The following FBXL17 variants were observed in gnomAD, a reference collection of about 807,000 sequenced individuals.
The protein encoded by FBXL17 is F-box and leucine rich repeat protein 17.
In FBXL17, 22 loss-of-function variants were observed where a neutral mutation model predicts 66.2. The observed-to-expected ratio is 0.33, with a 90% CI of 0.24 to 0.47. The LOEUF is 0.47. Ranked by LOEUF, FBXL17 falls within the 20% of genes least tolerant of loss-of-function variation. FBXL17 has a pLI of 1.00. For synonymous variants in FBXL17, 474 were observed against 400.5 expected (o/e 1.18, Z -2.19); for missense variants, 878 against 948.2 (o/e 0.93, Z 0.97).
intron 6 of FBXL17, among the ~76,000 whole-genome samples, chr5:108,046,206 G>A (rs1237577165): frequency 6.6e-6 from 1 of 152,108 alleles, no homozygotes; most frequent in Non-Finnish European, 1.5e-5. Context: ...ATTACATAAT[G>A]TCCTTATCTG....
intron 6 of FBXL17, among the ~76,000 whole-genome samples, chr5:108,093,210 C>T (rs1329159003): frequency 6.6e-6 from 1 of 151,518 alleles, no homozygotes; most frequent in Non-Finnish European, 1.5e-5. Context: ...TTAAAAAATG[C>T]CATTTTCTGT....
In FBXL17 at chr5:107,996,264, C is replaced by T. The variant is rs533719833; in HGVS notation, c.1822+24661G>A. Among the ~76,000 whole-genome samples, 7 of 152,276 alleles carry T rather than the reference C, an allele frequency of 4.6e-5. No homozygotes were observed. In the East Asian group the frequency reaches 1.4e-3, roughly 29 times the overall value. On this transcript the variant is annotated intron_variant, in intron 7 of 8. Coordinates refer to ENST00000542267, the MANE Select transcript of FBXL17 (RefSeq NM_001163315.3). ...TTCTTAAATGTTCCCTGATAACATTCCTGCTCTTAAATTATCTTTGTCTTT... is the reference window on the plus strand; with the variant it reads ...TTCTTAAATGTTCCCTGATAACATTTCTGCTCTTAAATTATCTTTGTCTTT...
chr5:108,381,294 G>A lies in FBXL17; in HGVS notation c.398C>T (p.Ser133Leu). The A allele has an allele frequency of 1.4e-6, 2 of 1,411,322 alleles. No homozygotes were observed. Among genetic ancestry groups the A allele is most frequent in the Non-Finnish European group, 1.8e-6 (2 of 1,087,436 alleles). 87.4% of individuals were successfully genotyped at this position (1,411,322 alleles called of 1,614,324 possible). A position where few individuals can be genotyped will look rare whatever the true frequency, so the allele number is the denominator to read the frequency against. Residue 133 changes from serine to leucine, a missense_variant, in exon 1 of 9, where the codon TCG becomes TTG. Physicochemically the swap from Ser to Leu is moderately radical, Grantham distance 145 (BLOSUM62 -2). Transcript: ENST00000542267. ...SAAAAAAAAASASSPASCCKE... is the reference protein window; with the variant it reads ...SAAAAAAAAALASSPASCCKE... The stretch of plus-strand genomic sequence containing the variant: ...GCAGCAGGAGGCGGGCGACGAAGCC[G>A]AGGCGGCAGCGGCGGCGGCGGCGGC...
chr5:108,135,397 A>T (rs1251659750), intron 6 of FBXL17, among the ~76,000 whole-genome samples: 3 of 152,150 alleles, frequency 2.0e-5, no homozygotes, highest in African/African-American at 7.2e-5. Context: ...CCTTACATGT[A>T]AAAGGGTAAG....
At chr5:107,935,062 T>A (rs1048224888) in intron 7 of FBXL17, among the ~76,000 whole-genome samples, 7 of 151,638 alleles carry the variant, frequency 4.6e-5, no homozygotes, top group African/African-American at 1.7e-4. Flanking sequence ...CAAGATGGTA[T>A]CTTTTGTTTT....
chr5:108,092,942 T>C (rs1749239359), intron 6 of FBXL17, among the ~76,000 whole-genome samples: 1 of 152,136 alleles, frequency 6.6e-6, no homozygotes, highest in African/African-American at 2.4e-5. Context: ...TATAAACATA[T>C]AATCAATGTG....
chr5:108,269,134 G>A (rs146689184), intron 4 of FBXL17, among the ~76,000 whole-genome samples: 49 of 152,126 alleles, frequency 3.2e-4, no homozygotes, highest in South Asian at 8.3e-4. Flanking sequence ...TGCTAAGAAT[G>A]TTACTTTCCT....
chr5:108,040,863 T>C (rs1258557096), intron 6 of FBXL17, among the ~76,000 whole-genome samples: 1 of 152,142 alleles, frequency 6.6e-6, no homozygotes, highest in African/African-American at 2.4e-5. Context: ...TTTGGCATTG[T>C]AAGAATGATT....
chr5:108,162,828 T>C (rs1053261774), intron 6 of FBXL17, among the ~76,000 whole-genome samples: 3 of 152,142 alleles, frequency 2.0e-5, no homozygotes, highest in Non-Finnish European at 4.4e-5. Flanking sequence ...ATCAGTGCTA[T>C]AGAAGTGTTA....
At chr5:108,316,039 A>G (rs1204590305) in intron 4 of FBXL17, among the ~76,000 whole-genome samples, 5 of 151,484 alleles carry the variant, frequency 3.3e-5, no homozygotes, top group Admixed American at 1.3e-4. Context: ...TCTATTAAAC[A>G]AAGGTCTTCA....
chr5:108,359,359 G>T (rs551396247), intron 3 of FBXL17, among the ~76,000 whole-genome samples: 155 of 152,032 alleles, frequency 1.0e-3, no homozygotes, highest in African/African-American at 3.5e-3. Context: ...TTTGGGTTTA[G>T]CCTGCTCTTC....
intron 8 of FBXL17, among the ~76,000 whole-genome samples, chr5:107,871,135 C>T (rs1580668803): frequency 6.8e-6 from 1 of 146,038 alleles, no homozygotes; most frequent in African/African-American, 2.5e-5. Context: ...ATGCAATGAA[C>T]CTGACAGAGG....
chr5:107,904,022 T>C (rs1434498802), intron 7 of FBXL17, among the ~76,000 whole-genome samples: 1 of 152,170 alleles, frequency 6.6e-6, no homozygotes, highest in Non-Finnish European at 1.5e-5. Context: ...CATTTTGACT[T>C]TGATATCTGC....
intron 7 of FBXL17, among the ~76,000 whole-genome samples, chr5:108,001,538 T>A (rs1753729295): frequency 6.6e-6 from 1 of 152,132 alleles, no homozygotes; most frequent in South Asian, 2.1e-4. Context: ...TCGCACTCCA[T>A]CGCCCAGGCT....
At chr5:108,371,814 G>C (rs898617267) in intron 1 of FBXL17, among the ~76,000 whole-genome samples, 9 of 152,186 alleles carry the variant, frequency 5.9e-5, no homozygotes, top group African/African-American at 2.4e-5. Flanking sequence ...AAACAGATTA[G>C]AGCAAGTGGA....
At chr5:108,250,345 A>G (rs1756292852) in intron 4 of FBXL17, among the ~76,000 whole-genome samples, 1 of 152,180 alleles carries the variant, frequency 6.6e-6, no homozygotes, top group African/African-American at 2.4e-5. Context: ...GTCAATGATT[A>G]CCACAGTTAA....
chr5:108,259,117 T>C (rs1756703837), intron 4 of FBXL17, among the ~76,000 whole-genome samples: 1 of 151,998 alleles, frequency 6.6e-6, no homozygotes, highest in Non-Finnish European at 1.5e-5. Flanking sequence ...CAAAGCACAA[T>C]TAGAATTGAA....
chr5:108,365,100 T>C (rs1748577736), intron 2 of FBXL17, 105 bp from the exon 3 acceptor site: 2 of 737,940 alleles, frequency 2.7e-6, no homozygotes, highest in East Asian at 5.4e-5. Context: ...AATTAGATTA[T>C]AGCATGAACG....
chr5:108,114,649 T>A (rs1011380096), intron 6 of FBXL17, among the ~76,000 whole-genome samples: 2 of 152,204 alleles, frequency 1.3e-5, no homozygotes, highest in Non-Finnish European at 2.9e-5. Flanking sequence ...ACCCTGATAC[T>A]GAGTGGAGCA....
Sources: gnomAD v4.1 joint callset for allele counts (sites outside exome capture counted in the v4.1 genomes callset) on GRCh38, gnomAD v4.1.1 for gene constraint, MANE v1.5 for transcripts, NCBI Gene and HGNC (gene_info 2026-07-23, HGNC 2026-07-21) for gene names.